Variants in SAMD13 observed in about 807,000 individuals in gnomAD.
SAMD13 encodes sterile alpha motif domain containing 13, also known as sterile alpha motif domain-containing protein 13.
A neutral mutation model predicts 12.4 loss-of-function variants in SAMD13; 9 were observed. The observed-to-expected ratio is 0.72, with a 90% CI of 0.44 to 1.26. The LOEUF is 1.26. SAMD13 is among the 50% of genes most tolerant of loss of function. The pLI, the probability that SAMD13 is intolerant of heterozygous loss-of-function variation, is 0.00. For synonymous variants in SAMD13, 46 were observed against 45.4 expected, an observed-to-expected ratio of 1.01 and a Z score of -0.05; for missense variants, 84 against 119.6, an observed-to-expected ratio of 0.70 and a Z score of 1.39.
chr1:84,315,472 T>G (rs2101796872), intron 2 of SAMD13, among the ~76,000 whole-genome samples: 1 of 152,300 alleles, frequency 6.6e-6, no homozygotes, highest in East Asian at 1.9e-4. Flanking sequence ...CAGCATGTCT[T>G]TTTTGCGGTG....
chr1:84,342,124 A>G (rs1679440300), intron 3 of SAMD13, among the ~76,000 whole-genome samples: 1 of 152,148 alleles, frequency 6.6e-6, no homozygotes, highest in Non-Finnish European at 1.5e-5. Flanking sequence ...CGCATGCATC[A>G]TCCCTTCCCA....
intron 3 of SAMD13, among the ~76,000 whole-genome samples, chr1:84,334,181 C>A (rs968479253): frequency 2.0e-5 from 3 of 152,002 alleles, no homozygotes; most frequent in African/African-American, 7.2e-5. Flanking sequence ...TCCATCTGGT[C>A]CTGGGCTGCT....
chr1:84,306,644 C>A (rs368041695), intron 2 of SAMD13, among the ~76,000 whole-genome samples: 410 of 64,006 alleles, frequency 6.4e-3, no homozygotes, highest in Middle Eastern at 0.01. Flanking sequence ...CTAAAAATAC[C>A]AAAAAAAAAA....
At chr1:84,327,654 A>G (rs980078833) in intron 3 of SAMD13, among the ~76,000 whole-genome samples, 1 of 148,676 alleles carries the variant, frequency 6.7e-6, no homozygotes, top group African/African-American at 2.4e-5. Context: ...TGGTATAAAA[A>G]CAGAAGTGTT....
intron 2 of SAMD13, among the ~76,000 whole-genome samples, chr1:84,310,798 A>G (rs1002762271): frequency 4.3e-4 from 65 of 152,308 alleles, no homozygotes; most frequent in Non-Finnish European, 2.9e-5. Flanking sequence ...ATAAATTGAT[A>G]AGCAACAATA....
In SAMD13 at chr1:84,341,224, T is replaced by A. The variant is rs191302041; in HGVS notation, c.166-8407T>A. Among the ~76,000 whole-genome samples the A allele has an allele frequency of 1.5e-3, 236 of 152,310 alleles. 2 individuals carry two copies. Among genetic ancestry groups the A allele is most frequent in the Admixed American group, 0.015 (226 of 15,290 alleles). On this transcript the variant is annotated intron_variant, in intron 3 of 3. Transcript: ENST00000394834. ...TCTGGAGAACCCTAACTAATACACT[T>A]TGTCTTCATGGACATTAAGGGAGTT...
At chr1:84,322,401 C>T (rs1178415882) in intron 2 of SAMD13, among the ~76,000 whole-genome samples, 1 of 152,150 alleles carries the variant, frequency 6.6e-6, no homozygotes, top group African/African-American at 2.4e-5. Flanking sequence ...TCTGAGCCTT[C>T]GTTTCCCAAA....
At chr1:84,307,733 A>G (rs1678612410) in intron 2 of SAMD13, among the ~76,000 whole-genome samples, 1 of 152,188 alleles carries the variant, frequency 6.6e-6, no homozygotes, top group African/African-American at 2.4e-5. Context: ...AAGTTTTATT[A>G]GGAACAGAGC....
intron 2 of SAMD13, among the ~76,000 whole-genome samples, chr1:84,315,024 CTTTCTT>C (rs1312091989): frequency 7.2e-6 from 1 of 138,856 alleles, no homozygotes; most frequent in Non-Finnish European, 1.5e-5. Flanking sequence ...CTTTCTTTCT[CTTTCTT>C]TCTCTCTCTT....
intron 2 of SAMD13, among the ~76,000 whole-genome samples, chr1:84,312,244 A>G (rs921002372): frequency 6.6e-6 from 1 of 152,014 alleles, no homozygotes; most frequent in African/African-American, 2.4e-5. Context: ...ACCTTTTTTT[A>G]CACAACAAAC....
At chr1:84,302,605 A>G in intron 1 of SAMD13, 2 of 963,666 alleles carry the variant, frequency 2.1e-6, no homozygotes, top group Non-Finnish European at 2.5e-6. Flanking sequence ...GCTAAGGGCT[A>G]TCTGGCATTT....
chr1:84,304,733 G>C (rs1260813927), intron 2 of SAMD13, among the ~76,000 whole-genome samples: 1 of 151,870 alleles, frequency 6.6e-6, no homozygotes, highest in Non-Finnish European at 1.5e-5. Context: ...GCTTCTTCTA[G>C]AATTTTATAT....
chr1:84,304,693 C>G (rs1188877461), intron 2 of SAMD13, among the ~76,000 whole-genome samples: 3 of 151,966 alleles, frequency 2.0e-5, no homozygotes, highest in Admixed American at 6.6e-5. Flanking sequence ...CCCTGGCAAC[C>G]ACTGTTATGC....
intron 2 of SAMD13, among the ~76,000 whole-genome samples, chr1:84,305,603 C>T (rs1350963279): frequency 1.3e-5 from 2 of 152,064 alleles, no homozygotes; most frequent in East Asian, 3.8e-4. Flanking sequence ...ATTGTCTCCT[C>T]TGTTTTCTTT....
chr1:84,320,546 G>C (rs1678919788), intron 2 of SAMD13, among the ~76,000 whole-genome samples: 1 of 152,182 alleles, frequency 6.6e-6, no homozygotes, highest in African/African-American at 2.4e-5. Context: ...TAACGCTAAT[G>C]CTCATTTAGT....
In SAMD13 at chr1:84,319,887, G is replaced by A. The variant is rs185838993; in HGVS notation, c.54-5750G>A. ...GGAAGATGTTCCATCTGTCTGGAGT[G>A]CCTGCTCCTAGTCTTACTGGTGACC... On this transcript the variant is annotated intron_variant, in intron 2 of 3. Coordinates refer to ENST00000394834, the MANE Select transcript of SAMD13 (RefSeq NM_001134663.2). Among the ~76,000 whole-genome samples the A allele has an allele frequency of 2.3e-3, 354 of 152,258 alleles. 4 individuals carry two copies. Among genetic ancestry groups the A allele is most frequent in the South Asian group, 6.8e-3 (33 of 4,822 alleles).
At chr1:84,308,586 G>A (rs1678636166) in intron 2 of SAMD13, among the ~76,000 whole-genome samples, 1 of 152,056 alleles carries the variant, frequency 6.6e-6, no homozygotes, top group Non-Finnish European at 1.5e-5. Flanking sequence ...TATTTGTACT[G>A]GTTATTTCTT....
intron 2 of SAMD13, among the ~76,000 whole-genome samples, chr1:84,313,249 A>G (rs989885839): frequency 2.6e-5 from 4 of 152,214 alleles, no homozygotes; most frequent in African/African-American, 9.6e-5. Flanking sequence ...CAAAGCACAC[A>G]TACAAATAAG....
chr1:84,334,565 G>A (rs77873655), intron 3 of SAMD13, among the ~76,000 whole-genome samples: 1 of 151,890 alleles, frequency 6.6e-6, no homozygotes, highest in Non-Finnish European at 1.5e-5. Flanking sequence ...ATTCGGTTCA[G>A]CTCAGATTTT....
Sources: allele counts gnomAD v4.1 joint callset (sites outside exome capture counted in the v4.1 genomes callset), GRCh38; gene constraint gnomAD v4.1.1; transcripts MANE v1.5; gene names NCBI Gene and HGNC (gene_info 2026-07-23, HGNC 2026-07-21).